The following PIEZO2 variants were observed in gnomAD, a reference collection of about 807,000 sequenced individuals.
PIEZO2 encodes piezo-type mechanosensitive ion channel component 2.
PIEZO2 carries 172 observed loss-of-function variants against 337.3 expected under a neutral mutation model. The observed-to-expected ratio is 0.51, with a 90% confidence interval of 0.45 to 0.58. The LOEUF is 0.58. PIEZO2 is among the 20% of genes least tolerant of loss of function. The pLI, the probability that PIEZO2 is intolerant of heterozygous loss-of-function variation, is 0.00. For missense variants in PIEZO2, 3,028 were observed against 3,391.3 expected, an observed-to-expected ratio of 0.89 and a Z score of 2.66; for synonymous variants, 1,251 against 1,228.5, an observed-to-expected ratio of 1.02 and a Z score of -0.38.
rs2035904469 is a variant in PIEZO2, at chr18:10,713,669, T to C, written c.5423+1095A>G. ...CTCAAACCATTTAGGGGATTACTCT[T>C]ATCTTTATATGCCTCTCCCAGAATA... On this transcript the variant is annotated intron_variant, in intron 39 of 55. Coordinates refer to ENST00000674853, the MANE Select transcript of PIEZO2 (RefSeq NM_001378183.1). This position sits in a 1 kb window ranked among gnomAD's most constrained non-coding sequence, Gnocchi z 4.5. Among the ~76,000 whole-genome samples, 1 of 152,200 alleles carries C rather than the reference T, an allele frequency of 6.6e-6. No homozygotes were observed. The highest frequency in any genetic ancestry group is 2.1e-4 in the South Asian group (1 of 4,820).
intron 3 of PIEZO2, among the ~76,000 whole-genome samples, chr18:10,970,167 C>T (rs974468203): frequency 6.6e-5 from 10 of 152,150 alleles, no homozygotes; most frequent in African/African-American, 1.4e-4. Flanking sequence ...GGTATTAACT[C>T]GGGTTATCTG....
At chr18:10,836,019 A>T (rs2041000492) in intron 7 of PIEZO2, among the ~76,000 whole-genome samples, 1 of 152,200 alleles carries the variant, frequency 6.6e-6, no homozygotes, top group Admixed American at 6.5e-5. Context: ...AGGTCCAAAT[A>T]AGCCTATGTC....
At position 11,125,061 on chromosome 18, in the gene PIEZO2, T is replaced by TA. The variant is rs550510808; in HGVS notation, c.64+23463dup. Among the ~76,000 whole-genome samples the TA allele has an allele frequency of 1.8e-3, 271 of 152,314 alleles. 2 individuals are homozygous for TA. The Middle Eastern group carries it at 0.02, about 11-fold the overall frequency. On this transcript the variant is annotated intron_variant, in intron 1 of 55. Transcript: ENST00000674853. This position sits in a 1 kb window ranked among gnomAD's most constrained non-coding sequence, Gnocchi z 4.4. ...TTTTCTGAGTTTCTATTTTCTCATG[T>TA]AAAACCTTTCCTCCTTTCATTTCTT...
At chr18:10,931,941 G>A (rs1293302528) in intron 3 of PIEZO2, among the ~76,000 whole-genome samples, 2 of 152,160 alleles carry the variant, frequency 1.3e-5, no homozygotes. Context: ...AATAATGAAT[G>A]ACGCTGTGAA....
In PIEZO2 at chr18:10,969,516, A is replaced by T. The variant is rs2034151074; in HGVS notation, c.286+10019T>A. ...CTTTTCTTCTCTTTCCTTCCTTGCC[A>T]CTTCTAACTCTAGCTTTCTCATTTA... is the stretch of plus-strand genomic sequence containing the variant. On this transcript the variant is annotated intron_variant, in intron 3 of 55. Transcript: ENST00000674853. This position sits in a 1 kb window ranked among gnomAD's most constrained non-coding sequence, Gnocchi z 4.5. Among the ~76,000 whole-genome samples the T allele has an allele frequency of 6.6e-6, 1 of 151,990 alleles. No individual in the cohort carries two copies.
At position 11,132,515 on chromosome 18, in the gene PIEZO2, C is replaced by A. The variant is rs1055790357; in HGVS notation, c.64+16010G>T. 6.6e-6 allele frequency among the ~76,000 whole-genome samples: 1 copy of A among 152,150 alleles called. No homozygotes were observed. On this transcript the variant is annotated intron_variant, in intron 1 of 55. Coordinates refer to ENST00000674853, the MANE Select transcript of PIEZO2 (RefSeq NM_001378183.1). The surrounding 1 kb of genome is among the most constrained non-coding windows in gnomAD (Gnocchi z 4.7). ...ACATCCAATATATGGTACTGTTTCTCTCATAGCCAGGATTCATATGTCCGG... is the reference window on the plus strand; with the variant it reads ...ACATCCAATATATGGTACTGTTTCTATCATAGCCAGGATTCATATGTCCGG...
intron 7 of PIEZO2, among the ~76,000 whole-genome samples, chr18:10,843,397 ATTTCAT>A: frequency 1.3e-5 from 2 of 152,132 alleles, no homozygotes; most frequent in Middle Eastern, 6.8e-3. Context: ...ATCTCTTTAG[ATTTCAT>A]TTTATACGCT....
chr18:10,963,451 A>G (rs548344884), intron 3 of PIEZO2, among the ~76,000 whole-genome samples: 2 of 152,362 alleles, frequency 1.3e-5, no homozygotes, highest in South Asian at 4.1e-4. Flanking sequence ...TTTAAGGTCA[A>G]GACATTGAAT....
rs1229715935 is a variant in PIEZO2, at chr18:10,980,879, A to T, written c.161-1219T>A. ...TTTACAGATGTCATGAAAGTCCATA[A>T]TCAAAGTGGTTAACTAAGGGAGACT... On this transcript the variant is annotated intron_variant, in intron 2 of 55. Coordinates refer to ENST00000674853, the MANE Select transcript of PIEZO2 (RefSeq NM_001378183.1). This position sits in a 1 kb window ranked among gnomAD's most constrained non-coding sequence, Gnocchi z 4.8. 6.6e-6 allele frequency among the ~76,000 whole-genome samples: 1 copy of T among 152,206 alleles called. No individual in the cohort carries two copies. The highest frequency in any genetic ancestry group is 1.5e-5 in the Non-Finnish European group (1 of 68,036).
intron 55 of PIEZO2, 43 bp from the exon 56 acceptor site, chr18:10,671,822 A>G (rs1400294177): frequency 8.1e-6 from 12 of 1,476,612 alleles, no homozygotes; most frequent in Non-Finnish European, 1.1e-5. Flanking sequence ...GCAGTTAAAT[A>G]TAGTTAATAA....
rs2040533166 is a variant in PIEZO2, at chr18:10,821,973, A to G, written c.918-14699T>C. On this transcript the variant is annotated intron_variant, in intron 7 of 55. Transcript: ENST00000674853. This position sits in a 1 kb window ranked among gnomAD's most constrained non-coding sequence, Gnocchi z 4.2. ...AAGTTACACATTTTGTAATGAAAAT[A>G]GATTTTCTAACAAGTTTCTTACCTT... 6.6e-6 allele frequency among the ~76,000 whole-genome samples: 1 copy of G among 152,252 alleles called. No individual in the cohort carries two copies. The highest frequency in any genetic ancestry group is 2.4e-5 in the African/African-American group (1 of 41,464).
chr18:11,054,123 C>T lies in PIEZO2; in HGVS notation c.160+12004G>A, dbSNP rs140901246. On this transcript the variant is annotated intron_variant, in intron 2 of 55. Transcript: ENST00000674853. ...TATACATTAGTTAATAAATTTAATG[C>T]AGGACAATCTCAATCCTAATGGAAG... 2.7e-4 allele frequency among the ~76,000 whole-genome samples: 41 copies of T among 152,306 alleles called. No individual in the cohort carries two copies. The East Asian group carries it at 7.7e-3, about 29-fold the overall frequency.
chr18:10,691,154 T>C (rs761220735), intron 48 of PIEZO2, 71 bp downstream of exon 48: 4 of 1,506,270 alleles, frequency 2.7e-6, no homozygotes, highest in Non-Finnish European at 3.6e-6. Flanking sequence ...TACTTCCCAG[T>C]TGGGAATCAA....
intron 4 of PIEZO2, among the ~76,000 whole-genome samples, chr18:10,910,234 C>A (rs1334187764): frequency 6.6e-6 from 1 of 152,184 alleles, no homozygotes; most frequent in Non-Finnish European, 1.5e-5. Flanking sequence ...CTAAATGCCA[C>A]TGGTAGAAAG....
rs2040266211 is a variant in PIEZO2, at chr18:10,813,638, T to C, written c.918-6364A>G. On this transcript the variant is annotated intron_variant, in intron 7 of 55. Coordinates refer to ENST00000674853, the MANE Select transcript of PIEZO2 (RefSeq NM_001378183.1). The surrounding 1 kb of genome is among the most constrained non-coding windows in gnomAD (Gnocchi z 4.2). ...TACATATGTATGTCCCATTTGTTAA[T>C]TCATCTGTTGATGGCACTTCCACCT... is the stretch of plus-strand genomic sequence containing the variant. Among the ~76,000 whole-genome samples the C allele has an allele frequency of 6.6e-6, 1 of 152,182 alleles. No homozygotes were observed. Among genetic ancestry groups the C allele is most frequent in the Non-Finnish European group, 1.5e-5 (1 of 68,034 alleles).
intron 39 of PIEZO2, 146 bp downstream of exon 39, chr18:10,714,618 T>G (rs1598390793): frequency 2.4e-6 from 2 of 850,266 alleles, no homozygotes; most frequent in East Asian, 5.3e-5. Flanking sequence ...TATAGTTTGT[T>G]GTACAGATGG....
chr18:10,760,055 T>C (rs1251514692), intron 24 of PIEZO2, 146 bp from the exon 25 acceptor site: 4 of 724,004 alleles, frequency 5.5e-6, no homozygotes, highest in African/African-American at 5.3e-5. Context: ...GCTTGCTCTT[T>C]TGAGTGTCTC....
rs763065483 is a variant in PIEZO2, at chr18:10,800,403, C to G, written c.1312G>C (p.Gly438Arg). ...GAGTAGAGGTCGGCTTTGCCAGGGC[C>G]GTTCTCCATGGGCAGGCTTGGGTGG... ...TIHPSLPMEN[G>R]PGKADLYSTP... The change falls in exon 11 of 56, where the codon GGC becomes CGC. Residue 438 changes from glycine (G) to arginine (R), a missense_variant. Gly to Arg is a moderately radical substitution (Grantham distance 125). Coordinates refer to ENST00000674853, the MANE Select transcript of PIEZO2 (RefSeq NM_001378183.1). The G allele has an allele frequency of 6.5e-7, 1 of 1,536,216 alleles. No individual in the cohort carries two copies. The highest frequency in any genetic ancestry group is 8.7e-7 in the Non-Finnish European group (1 of 1,146,476).
intron 1 of PIEZO2, among the ~76,000 whole-genome samples, chr18:11,076,061 C>G (rs1405948286): frequency 6.6e-6 from 1 of 152,284 alleles, no homozygotes; most frequent in South Asian, 2.1e-4. Context: ...GCTGGGATTA[C>G]AGGCGTGAGC....
Sources: gnomAD v4.1 joint callset for allele counts (sites outside exome capture counted in the v4.1 genomes callset) on GRCh38, gnomAD v4.1.1 for gene constraint, Gnocchi (gnomAD v3.1) non-coding constraint, MANE v1.5 for transcripts, NCBI Gene and HGNC (gene_info 2026-07-23, HGNC 2026-07-21) for gene names.